DOCK3: variants seen among roughly 807,000 people sequenced by gnomAD.
DOCK3 encodes dedicator of cytokinesis 3.
In DOCK3, 60 loss-of-function variants were observed where a neutral mutation model predicts 265.6. The ratio of observed to expected loss-of-function variants is 0.23; its 90% CI spans 0.18 to 0.28. The LOEUF is 0.28. DOCK3 is among the 10% of genes least tolerant of loss of function. The pLI is 1.00. For missense variants in DOCK3, 1,981 were observed against 2,594.3 expected (o/e 0.76, Z 5.14); for synonymous variants, 881 against 938.0 (o/e 0.94, Z 1.11).
At chr3:50,894,035 C>T (rs903217662) in intron 4 of DOCK3, among the ~76,000 whole-genome samples, 7 of 151,176 alleles carry the variant, frequency 4.6e-5, no homozygotes, top group South Asian at 4.2e-4. Context: ...ATGTAAATGA[C>T]GAGTTAATGG....
At chr3:50,870,564 C>G (rs1453270971) in intron 3 of DOCK3, among the ~76,000 whole-genome samples, 1 of 152,036 alleles carries the variant, frequency 6.6e-6, no homozygotes, top group Non-Finnish European at 1.5e-5. Flanking sequence ...GTTTATTCAA[C>G]TGTGCTATAT....
intron 1 of DOCK3, among the ~76,000 whole-genome samples, chr3:50,751,910 C>T (rs1009429688): frequency 1.3e-5 from 2 of 152,000 alleles, no homozygotes; most frequent in Non-Finnish European, 2.9e-5. Context: ...CATCAGATCT[C>T]CTGAAAACTC....
intron 5 of DOCK3, among the ~76,000 whole-genome samples, chr3:51,052,584 C>T (rs969884290): frequency 6.6e-6 from 1 of 152,174 alleles, no homozygotes; most frequent in Non-Finnish European, 1.5e-5. Flanking sequence ...TTCCTGGATG[C>T]CCTTGGAATT....
intron 4 of DOCK3, among the ~76,000 whole-genome samples, chr3:50,928,064 T>G (rs1559825970): frequency 1.3e-5 from 2 of 151,628 alleles, no homozygotes; most frequent in African/African-American, 2.4e-5. Flanking sequence ...CTTTCTAACA[T>G]GTATCCTCTC....
intron 9 of DOCK3, among the ~76,000 whole-genome samples, chr3:51,090,886 T>G (rs9828200): frequency 0.9 from 137,196 of 152,234 alleles, 62,018 homozygotes; most frequent in African/African-American, 0.95. Flanking sequence ...TAGGAGTGCT[T>G]TATGGCTTTT....
chr3:50,789,184 A>G (rs2042340372), intron 2 of DOCK3, among the ~76,000 whole-genome samples: 1 of 152,130 alleles, frequency 6.6e-6, no homozygotes. Context: ...AGATTGTGTC[A>G]CTATTATGCA....
intron 1 of DOCK3, among the ~76,000 whole-genome samples, chr3:50,758,976 T>C (rs976699255): frequency 6.6e-6 from 1 of 152,220 alleles, no homozygotes; most frequent in African/African-American, 2.4e-5. Flanking sequence ...TAATATTCCA[T>C]TGTAGGCACG....
intron 49 of DOCK3, among the ~76,000 whole-genome samples, chr3:51,365,558 C>T (rs377201353): frequency 2.0e-5 from 3 of 152,158 alleles, no homozygotes; most frequent in Non-Finnish European, 2.9e-5. Flanking sequence ...CATCCCTGTC[C>T]TGTGCCAGTG....
chr3:51,105,034 A>G (rs2083230920), intron 9 of DOCK3, among the ~76,000 whole-genome samples: 1 of 152,220 alleles, frequency 6.6e-6, no homozygotes, highest in Non-Finnish European at 1.5e-5. Context: ...ACTCCTACTA[A>G]TCTTTGCAGT....
At chr3:51,228,528 T>A (rs2090422921) in intron 17 of DOCK3, 133 bp from the exon 18 acceptor site, 1 of 982,450 alleles carries the variant, frequency 1.0e-6, no homozygotes, top group African/African-American at 1.6e-5. Flanking sequence ...GAAAGTACTC[T>A]TCCAAGAGGA....
At chr3:51,262,514 C>T (rs1213943974) in intron 23 of DOCK3, among the ~76,000 whole-genome samples, 2 of 152,146 alleles carry the variant, frequency 1.3e-5, no homozygotes, top group African/African-American at 2.4e-5. Context: ...CTCTTCTCCT[C>T]CAGAGGATCA....
intron 22 of DOCK3, among the ~76,000 whole-genome samples, chr3:51,255,489 C>A (rs895654376): frequency 1.3e-5 from 2 of 152,240 alleles, no homozygotes; most frequent in African/African-American, 2.4e-5. Flanking sequence ...TTCTCCCCGT[C>A]ACTTTCAGGT....
intron 2 of DOCK3, among the ~76,000 whole-genome samples, chr3:50,828,118 A>G (rs536028054): frequency 1.4e-4 from 21 of 152,008 alleles, no homozygotes; most frequent in Middle Eastern, 6.8e-3. Flanking sequence ...TAGCAGAGAC[A>G]AGGTTTCATC....
chr3:50,797,652 G>C (rs1251587428), intron 2 of DOCK3, among the ~76,000 whole-genome samples: 1 of 152,108 alleles, frequency 6.6e-6, no homozygotes, highest in Non-Finnish European at 1.5e-5. Context: ...AGCATATAAG[G>C]GTTCTGTTTT....
chr3:50,874,999 GAGTTGA>G (rs1270088164), intron 3 of DOCK3, among the ~76,000 whole-genome samples: 1 of 152,130 alleles, frequency 6.6e-6, no homozygotes, highest in African/African-American at 2.4e-5. Context: ...TCATAAGTGG[GAGTTGA>G]ACAATGAGAA....
rs1463442191 is a variant in DOCK3 at position 51,160,666 on chromosome 3, T to C, written c.1001T>C (p.Val334Ala). 1.9e-6 allele frequency: 3 copies of C among 1,612,772 alleles called. No individual in the cohort carries two copies. Among genetic ancestry groups the C allele is most frequent in the East Asian group, 2.2e-5 (1 of 44,880 alleles). ...GATGTCCTACAGTCACTCACAGAAG[T>C]AAAGGAAGAAAAGGATTTTGTTCTT... ...ILDVLQSLTE[V>A]KEEKDFVLKV... Residue 334 changes from valine to alanine, a missense_variant, in exon 12 of 53, where the codon GTA (valine) becomes GCA (alanine). By Grantham distance (64) the Val-to-Ala change is moderately conservative. This residue lies in a region of DOCK3 where 456 missense variants were observed against 539.0 expected (regional missense o/e 0.85). Transcript: ENST00000266037.
At position 50,728,046 on chromosome 3, in the gene DOCK3, G is replaced by C. The variant is rs147984327; in HGVS notation, c.38-50629G>C. Among the ~76,000 whole-genome samples the C allele has an allele frequency of 1.7e-3, 266 of 152,238 alleles. 2 individuals carry two copies. The highest frequency in any genetic ancestry group is 6.2e-3 in the South Asian group (30 of 4,828). ...ATATACTTACTGACGTAGATCATAT[G>C]ATGGGCCAAAAAACATGTCTTAATA... On this transcript the variant is annotated intron_variant, in intron 1 of 52. Transcript: ENST00000266037.
chr3:50,872,067 A>G (rs1353873723), intron 3 of DOCK3, among the ~76,000 whole-genome samples: 1 of 152,228 alleles, frequency 6.6e-6, no homozygotes, highest in East Asian at 1.9e-4. Flanking sequence ...TGGTAAGGCC[A>G]TATTTTCCTG....
chr3:51,138,243 A>G (rs1366962458), intron 9 of DOCK3, among the ~76,000 whole-genome samples: 2 of 152,206 alleles, frequency 1.3e-5, no homozygotes, highest in East Asian at 3.8e-4. Flanking sequence ...TGGATAGATT[A>G]TTTGTCTTCA....
Sources: allele counts gnomAD v4.1 joint callset (sites outside exome capture counted in the v4.1 genomes callset), GRCh38; gene constraint gnomAD v4.1.1; regional missense constraint gnomAD v4.1.1; transcripts MANE v1.5; gene names NCBI Gene and HGNC (gene_info 2026-07-23, HGNC 2026-07-21).